Variants in RET observed in about 807,000 individuals in gnomAD.
RET encodes proto-oncogene tyrosine-protein kinase receptor Ret.
Under a neutral mutation model 118.3 loss-of-function variants are expected in RET, and 19 were observed. The ratio of observed to expected loss-of-function variants is 0.16; its 90% CI spans 0.11 to 0.24. RET has a LOEUF of 0.24. RET is among the 10% of genes least tolerant of loss of function. RET has a pLI of 1.00. For synonymous variants in RET, 597 were observed against 644.1 expected (o/e 0.93, Z 1.11); for missense variants, 1,219 against 1,502.1 (o/e 0.81, Z 3.12).
At chr10:43,120,282 T>G (rs984382967) in intron 15 of RET, 79 bp downstream of exon 15, 2 of 1,576,846 alleles carry the variant, frequency 1.3e-6, no homozygotes, top group Non-Finnish European at 1.7e-6. Context: ...TTGGGAAGCC[T>G]AGGAAAGATA....
At chr10:43,118,169 C>T (rs1455024559) in intron 12 of RET, among the ~76,000 whole-genome samples, 6 of 152,220 alleles carry the variant, frequency 3.9e-5, no homozygotes, top group Non-Finnish European at 7.3e-5. Flanking sequence ...TGGTTGCTGG[C>T]TCCTCAGGGT....
intron 1 of RET, among the ~76,000 whole-genome samples, chr10:43,094,772 T>G (rs1837486683): frequency 6.6e-6 from 1 of 152,230 alleles, no homozygotes; most frequent in Non-Finnish European, 1.5e-5. Context: ...TATACCAGTA[T>G]GAGCAAATAC....
chr10:43,077,770 G>C (rs995916340), intron 1 of RET, among the ~76,000 whole-genome samples: 1 of 152,234 alleles, frequency 6.6e-6, no homozygotes, highest in Non-Finnish European at 1.5e-5. Context: ...CTCCGTCCTG[G>C]TTTCCTTTTC....
chr10:43,128,167 T>C lies in RET; in HGVS notation c.3243T>C (p.Asp1081=), dbSNP rs144192900. Residue 1081 remains aspartate (D), a synonymous_variant, in exon 20 of 20, where the codon GAT becomes GAC. Coordinates refer to ENST00000355710, the MANE Select transcript of RET (RefSeq NM_020975.6). ...GTCCTGTACCACTCACGAGAGCTGATGGCACTAACACTGGGTTTCCAAGAT... is the reference window on the plus strand; with the variant it reads ...GTCCTGTACCACTCACGAGAGCTGACGGCACTAACACTGGGTTTCCAAGAT... ...GESPVPLTRA[D]GTNTGFPRYP... The C allele has an allele frequency of 2.1e-4, 344 of 1,614,086 alleles. No individual in the cohort carries two copies. Among genetic ancestry groups the C allele is most frequent in the Non-Finnish European group, 2.8e-4 (335 of 1,180,028 alleles).
Position 43,118,500 on chromosome 10 carries a change from G to A in RET, c.2392+20G>A, listed in dbSNP as rs2132932818. ...AGGATGGTAAGGCCAGCTGCAGGGTGAGGTGGGCAGCCACTGCACCCAGGC... is the reference window on the plus strand; with the variant it reads ...AGGATGGTAAGGCCAGCTGCAGGGTAAGGTGGGCAGCCACTGCACCCAGGC... On this transcript the variant is annotated intron_variant, in intron 13 of 19. Transcript: ENST00000355710. The A allele has an allele frequency of 1.9e-6, 3 of 1,586,790 alleles. No individual in the cohort carries two copies. The highest frequency in any genetic ancestry group is 1.3e-5 in the African/African-American group (1 of 74,492).
At chr10:43,082,348 C>A (rs539174857) in intron 1 of RET, among the ~76,000 whole-genome samples, 82 of 152,322 alleles carry the variant, frequency 5.4e-4, no homozygotes, top group Middle Eastern at 3.4e-3. Context: ...CCTCTGTTTG[C>A]TTTTGCCTCA....
chr10:43,120,519 G>A (rs1187817597), intron 15 of RET, among the ~76,000 whole-genome samples: 1 of 152,242 alleles, frequency 6.6e-6, no homozygotes, highest in Non-Finnish European at 1.5e-5. Flanking sequence ...GCAGAATAAA[G>A]GTCACCGTTC....
At position 43,124,756 on chromosome 10, in the gene RET, G is replaced by A. The variant is rs1838292510; in HGVS notation, c.2940-127G>A. On this transcript the variant is annotated intron_variant, in intron 17 of 19. Coordinates refer to ENST00000355710, the MANE Select transcript of RET (RefSeq NM_020975.6). ...CAGAGATGTCAGCGATGCAGAAATA[G>A]CTTTGGAGTTGGAGACAGAGCACAC... 3.3e-6 allele frequency: 3 copies of A among 916,252 alleles called. No homozygotes were observed. In the African/African-American group the frequency reaches 4.9e-5, roughly 15 times the overall value. 56.8% of individuals were successfully genotyped at this position (916,252 alleles called of 1,614,324 possible).
At position 43,128,130 on chromosome 10, in the gene RET, G is replaced by C. The variant is rs776615468; in HGVS notation, c.3206G>C (p.Trp1069Ser). ...TTTTTAGGCATGTCAGACCCGAACT[G>C]GCCTGGAGAGAGTCCTGTACCACTC... ...NKLYGMSDPN[W>S]PGESPVPLTR... The change falls in exon 20 of 20, where the codon TGG (tryptophan) becomes TCG (serine). Residue 1069 changes from tryptophan to serine, a missense_variant. By Grantham distance (177) the Trp-to-Ser change is radical. Transcript: ENST00000355710. The C allele has an allele frequency of 9.9e-6, 16 of 1,614,198 alleles. No individual in the cohort carries two copies. The highest frequency in any genetic ancestry group is 1.3e-5 in the African/African-American group (1 of 75,048).
Position 43,109,440 on chromosome 10 carries a change from CTT to C in RET, c.1263+216_1263+217del, listed in dbSNP as rs369740195. Among the ~76,000 whole-genome samples, 1,420 of 152,276 alleles carry C rather than the reference CTT, an allele frequency of 9.3e-3. 26 individuals carry two copies. Among genetic ancestry groups the C allele is most frequent in the African/African-American group, 0.032 (1,345 of 41,550 alleles). On this transcript the variant is annotated intron_variant, in intron 6 of 19. Coordinates refer to ENST00000355710, the MANE Select transcript of RET (RefSeq NM_020975.6). ...AGGGCTGGGGGCTCCTTGGGCCTCTCTTTTTTTCCCCTTTCCATTCTTGGTAT... is the reference window on the plus strand; with the variant it reads ...AGGGCTGGGGGCTCCTTGGGCCTCTCTTTTTCCCCTTTCCATTCTTGGTAT...
rs2132771143 is a variant in RET, at chr10:43,111,353, C to T, written c.1410C>T (p.Thr470=). 1 of 1,614,098 alleles carries T rather than the reference C, an allele frequency of 6.2e-7. No individual in the cohort carries two copies. The highest frequency in any genetic ancestry group is 8.5e-7 in the Non-Finnish European group (1 of 1,180,026). The change falls in exon 7 of 20, where the codon ACC becomes ACT. Residue 470 remains threonine, a synonymous_variant. Transcript: ENST00000355710. ...CGGGGATCCTGTTTGTGAATGACAC[C>T]AAGGCCCTGCGGCGGCCCAAGTGTG... The part of the protein sequence containing the change: ...DTSGILFVND[T]KALRRPKCAE...
rs577622723 is a variant in RET, at chr10:43,095,483, G to A, written c.74-4976G>A. 3.9e-5 allele frequency among the ~76,000 whole-genome samples: 6 copies of A among 152,324 alleles called. No individual in the cohort carries two copies. In the South Asian group the frequency reaches 1.0e-3, roughly 26 times the overall value. On this transcript the variant is annotated intron_variant, in intron 1 of 19. Coordinates refer to ENST00000355710, the MANE Select transcript of RET (RefSeq NM_020975.6). ...GGCATGAGAACATGCACACCTGGAC[G>A]GAGTGTGTGGATTGACAAGGTGTGT...
chr10:43,116,782 G>A (rs752884731), intron 12 of RET, 51 bp downstream of exon 12: 7 of 1,142,974 alleles, frequency 6.1e-6, no homozygotes, highest in Admixed American at 1.8e-5. Flanking sequence ...CCGGGGCGGG[G>A]GGCGGGTGAG....
rs752405055 is a variant in RET at position 43,124,857 on chromosome 10, A to C, written c.2940-26A>C. The C allele has an allele frequency of 4.6e-5, 74 of 1,611,222 alleles. No individual in the cohort carries two copies. The highest frequency in any genetic ancestry group is 6.3e-5 in the Non-Finnish European group (74 of 1,178,316). The stretch of plus-strand genomic sequence containing the variant: ...TGAGACCTGGCCCTGCTTGGATCAT[A>C]TTGGCCTGTCTGCTCTTCCCACCAG... On this transcript the variant is annotated intron_variant, in intron 17 of 19. Coordinates refer to ENST00000355710, the MANE Select transcript of RET (RefSeq NM_020975.6).
intron 1 of RET, among the ~76,000 whole-genome samples, chr10:43,099,560 A>ATAAG (rs58599442): frequency 1.3e-5 from 2 of 151,624 alleles, no homozygotes; most frequent in Non-Finnish European, 2.9e-5. Flanking sequence ...AAATAAATAA[A>ATAAG]AATTACATAG....
intron 15 of RET, among the ~76,000 whole-genome samples, chr10:43,121,655 C>G (rs1038882367): frequency 6.6e-6 from 1 of 152,158 alleles, no homozygotes; most frequent in Non-Finnish European, 1.5e-5. Flanking sequence ...CAGGCCCATG[C>G]ATAGGGAAGC....
intron 6 of RET, among the ~76,000 whole-genome samples, chr10:43,109,909 G>A (rs1333101750): frequency 6.6e-6 from 1 of 152,232 alleles, no homozygotes; most frequent in Non-Finnish European, 1.5e-5. Flanking sequence ...TTATTAAGTT[G>A]ACTTGAAACT....
chr10:43,127,454 T>C, intron 19 of RET: 1 of 1,050,592 alleles, frequency 9.5e-7, no homozygotes, highest in South Asian at 4.5e-5. Flanking sequence ...ACAGTAAATA[T>C]GGTTCTTGCC....
At chr10:43,107,557 C>CCACA (rs1346345904) in intron 5 of RET, among the ~76,000 whole-genome samples, 4 of 105,350 alleles carry the variant, frequency 3.8e-5, no homozygotes, top group Non-Finnish European at 7.7e-5. Context: ...ACCCCCCATG[C>CCACA]CTCACACACA....
Sources: allele counts gnomAD v4.1 joint callset (sites outside exome capture counted in the v4.1 genomes callset), GRCh38; gene constraint gnomAD v4.1.1; transcripts MANE v1.5; gene names NCBI Gene and HGNC (gene_info 2026-07-23, HGNC 2026-07-21).